The following GLIS3 variants were observed in gnomAD, a reference collection of about 807,000 sequenced individuals.
GLIS3 encodes the protein zinc finger protein GLIS3.
GLIS3 carries 53 observed loss-of-function variants against 78.6 expected under a neutral mutation model. The ratio of observed to expected loss-of-function variants is 0.67; its 90% CI spans 0.54 to 0.85. The LOEUF is 0.85. Among genes scored for constraint, GLIS3 ranks in the 40% least tolerant of loss-of-function variants. GLIS3 has a pLI of 0.00. For synonymous variants in GLIS3, 684 were observed against 509.9 expected (o/e 1.34, Z -4.60); for missense variants, 1,703 against 1,231.1 (o/e 1.38, Z -5.74).
At chr9:4,142,030 C>T (rs969527851) in intron 2 of GLIS3, among the ~76,000 whole-genome samples, 1 of 152,112 alleles carries the variant, frequency 6.6e-6, no homozygotes, top group South Asian at 2.1e-4. Context: ...GACACGGTAC[C>T]AGCAATAACT....
At chr9:4,074,554 C>T (rs936773001) in intron 4 of GLIS3, among the ~76,000 whole-genome samples, 3 of 152,126 alleles carry the variant, frequency 2.0e-5, no homozygotes, top group African/African-American at 4.8e-5. Context: ...TTCTACCCAA[C>T]TGTATTATAT....
At chr9:4,400,990 A>G in the GLIS3 span, among the ~76,000 whole-genome samples, 1 of 152,186 alleles carries the variant, frequency 6.6e-6, no homozygotes, top group Admixed American at 6.5e-5. Flanking sequence ...ATTCTTAGCT[A>G]CTGTGGCTAT....
At chr9:3,967,364 G>A (rs1013711460) in intron 4 of GLIS3, among the ~76,000 whole-genome samples, 21 of 151,996 alleles carry the variant, frequency 1.4e-4, no homozygotes, top group East Asian at 1.2e-3. Context: ...TTAGCCAGGC[G>A]TGGTTGCACG....
chr9:4,426,323 C>T, the GLIS3 span, among the ~76,000 whole-genome samples: 18 of 152,180 alleles, frequency 1.2e-4, no homozygotes, highest in Non-Finnish European at 2.5e-4. Flanking sequence ...TCTTCCCCAC[C>T]TCCTGCTCCA....
At position 4,122,813 on chromosome 9, in the gene GLIS3, G is replaced by A. The variant is rs540474765; in HGVS notation, c.596+2921C>T. Among the ~76,000 whole-genome samples the A allele has an allele frequency of 3.3e-5, 5 of 152,300 alleles. No individual in the cohort carries two copies. In the South Asian group the frequency reaches 8.3e-4, roughly 25 times the overall value. ...TATGAAACTGCTGTATGATGTTACT[G>A]TATCAGCACCTCAGCCTTGTCATTT... On this transcript the variant is annotated intron_variant, in intron 3 of 10. Coordinates refer to ENST00000381971, the MANE Select transcript of GLIS3 (RefSeq NM_001042413.2).
At chr9:3,973,319 G>A (rs1818528480) in intron 4 of GLIS3, among the ~76,000 whole-genome samples, 1 of 152,112 alleles carries the variant, frequency 6.6e-6, no homozygotes, top group Non-Finnish European at 1.5e-5. Flanking sequence ...AATTGTTTAT[G>A]TGGTAGATCT....
the GLIS3 span, among the ~76,000 whole-genome samples, chr9:4,444,279 T>C: frequency 1.2e-3 from 188 of 152,364 alleles, 1 homozygote; most frequent in Non-Finnish European, 1.3e-4. Flanking sequence ...TAATAATTAC[T>C]ACGCTTCTCA....
At chr9:4,293,297 T>C (rs532302291) in intron 1 of GLIS3, among the ~76,000 whole-genome samples, 1 of 152,342 alleles carries the variant, frequency 6.6e-6, no homozygotes, top group South Asian at 2.1e-4. Flanking sequence ...AGGCATCTTA[T>C]TGTGTCCCCA....
rs112269629 is a variant in GLIS3 at position 4,090,022 on chromosome 9, T to C, written c.1710+27746A>G. On this transcript the variant is annotated intron_variant, in intron 4 of 10. Transcript: ENST00000381971. ...ACTCTGCTCCTCGCTTGCTCCCTTC[T>C]GCCCTGTGTCAGTGGGTTGTCCTGC... Among the ~76,000 whole-genome samples the C allele has an allele frequency of 1.9e-3, 287 of 152,336 alleles. 1 individual carries two copies. Among genetic ancestry groups the C allele is most frequent in the African/African-American group, 6.5e-3 (272 of 41,582 alleles).
At chr9:4,446,808 G>C in the GLIS3 span, among the ~76,000 whole-genome samples, 13 of 151,758 alleles carry the variant, frequency 8.6e-5, no homozygotes, top group Non-Finnish European at 1.8e-4. Flanking sequence ...ACTGCGCCTG[G>C]TCCCAAATTC....
At chr9:4,395,635 C>A in the GLIS3 span, among the ~76,000 whole-genome samples, 1 of 152,238 alleles carries the variant, frequency 6.6e-6, no homozygotes, top group Non-Finnish European at 1.5e-5. Flanking sequence ...ACCAAAATAT[C>A]TCCAGCCTTT....
chr9:4,056,678 C>T (rs1031337527), intron 4 of GLIS3, among the ~76,000 whole-genome samples: 1 of 152,100 alleles, frequency 6.6e-6, no homozygotes, highest in Admixed American at 6.6e-5. Context: ...AATTCAGACA[C>T]ACATGCACGT....
the GLIS3 span, among the ~76,000 whole-genome samples, chr9:4,469,704 C>T: frequency 2.0e-5 from 3 of 152,090 alleles, no homozygotes; most frequent in Non-Finnish European, 2.9e-5. Flanking sequence ...AAATCGACAA[C>T]CTAACATCAC....
At chr9:4,434,558 T>C in the GLIS3 span, among the ~76,000 whole-genome samples, 3 of 152,170 alleles carry the variant, frequency 2.0e-5, no homozygotes, top group African/African-American at 7.2e-5. Context: ...GTTGTGTATA[T>C]TCAATTAATG....
intron 2 of GLIS3, among the ~76,000 whole-genome samples, chr9:4,228,023 C>T (rs1821924318): frequency 6.6e-6 from 1 of 152,108 alleles, no homozygotes; most frequent in African/African-American, 2.4e-5. Context: ...ATCCATTTCT[C>T]ATCCTCAAAC....
chr9:4,215,905 G>C (rs993163112), intron 2 of GLIS3, among the ~76,000 whole-genome samples: 6 of 152,134 alleles, frequency 3.9e-5, no homozygotes, highest in African/African-American at 1.4e-4. Context: ...GCAATATAGG[G>C]AAAGACATTT....
chr9:4,265,387 G>C (rs1825898956), intron 2 of GLIS3, among the ~76,000 whole-genome samples: 1 of 143,966 alleles, frequency 6.9e-6, no homozygotes, highest in Non-Finnish European at 1.5e-5. Flanking sequence ...GGTAGGTACA[G>C]ATATTATCCC....
intron 4 of GLIS3, among the ~76,000 whole-genome samples, chr9:3,989,804 A>G (rs1820074061): frequency 6.6e-6 from 1 of 152,200 alleles, no homozygotes; most frequent in Non-Finnish European, 1.5e-5. Flanking sequence ...AATGCTTAGT[A>G]TCTCAACTGT....
At chr9:4,123,705 G>C in intron 3 of GLIS3, 1 of 396,340 alleles carries the variant, frequency 2.5e-6, no homozygotes, top group East Asian at 3.6e-5. Context: ...TTAGTGGAAA[G>C]GAAAGCCTAT....
Sources: gnomAD v4.1 joint callset for allele counts (sites outside exome capture counted in the v4.1 genomes callset) on GRCh38, gnomAD v4.1.1 for gene constraint, MANE v1.5 for transcripts, NCBI Gene and HGNC (gene_info 2026-07-23, HGNC 2026-07-21) for gene names.